MZT1: variants seen among roughly 807,000 people sequenced by gnomAD.
MZT1 encodes the protein mitotic-spindle organizing protein 1.
A neutral mutation model predicts 8.5 loss-of-function variants in MZT1; 8 were observed. That is an observed-to-expected ratio of 0.94 (90% CI 0.55 to 1.70). The LOEUF is 1.70. Among genes scored for constraint, MZT1 ranks in the 40% most tolerant of loss-of-function variants. The pLI, the probability that MZT1 is intolerant of heterozygous loss-of-function variation, is 0.00. For synonymous variants in MZT1, 38 were observed against 42.0 expected (o/e 0.90, Z 0.37); for missense variants, 93 against 108.6 (o/e 0.86, Z 0.64).
At chr13:72,714,845 T>C (rs1395407877) in intron 2 of MZT1, among the ~76,000 whole-genome samples, 5 of 152,230 alleles carry the variant, frequency 3.3e-5, no homozygotes, top group African/African-American at 7.2e-5. Context: ...AGCCTGGGTA[T>C]CTAGGCAGAA....
intron 2 of MZT1, 57 bp from the exon 3 acceptor site, chr13:72,710,402 A>C: frequency 1.3e-6 from 2 of 1,570,350 alleles, no homozygotes; most frequent in East Asian, 4.5e-5. Flanking sequence ...AGGCATCATG[A>C]AGATAAATTT....
intron 2 of MZT1, among the ~76,000 whole-genome samples, chr13:72,712,083 G>A (rs1173800677): frequency 6.6e-6 from 1 of 151,876 alleles, no homozygotes; most frequent in African/African-American, 2.4e-5. Flanking sequence ...AAAAGTATAA[G>A]GATGCATTAC....
chr13:72,720,505 G>A (rs1177350295), intron 1 of MZT1, among the ~76,000 whole-genome samples: 1 of 152,170 alleles, frequency 6.6e-6, no homozygotes, highest in African/African-American at 2.4e-5. Context: ...TTAAGTCTAA[G>A]TCTTTCTGAA....
intron 1 of MZT1, among the ~76,000 whole-genome samples, chr13:72,719,649 G>T (rs886765838): frequency 1.3e-5 from 2 of 152,014 alleles, no homozygotes; most frequent in African/African-American, 4.8e-5. Flanking sequence ...GTCAAAAAAA[G>T]GTAATGTACA....
Position 72,727,539 on chromosome 13 carries a change from G to A in MZT1, c.64C>T (p.Arg22Trp), listed in dbSNP as rs1300584030. 1 of 1,613,272 alleles carries A rather than the reference G, an allele frequency of 6.2e-7. No homozygotes were observed. Residue 22 changes from arginine (R) to tryptophan (W), a missense_variant, in exon 1 of 3, where the codon CGG becomes TGG. Arg to Trp is a moderately radical substitution (Grantham distance 101). Transcript: ENST00000377818. ...GGAAACTCACCGTCCATGGTCTCCCGCACCGCATTCAGATTCGCCGCCGCG... is the reference window on the plus strand; with the variant it reads ...GGAAACTCACCGTCCATGGTCTCCCACACCGCATTCAGATTCGCCGCCGCG... ...AAAAANLNAV[R>W]ETMDVLLEIS...
chr13:72,710,196 C>A lies in MZT1; in HGVS notation c.*126G>T, dbSNP rs1193033124. 5 of 891,544 alleles carry A rather than the reference C, an allele frequency of 5.6e-6. No individual in the cohort carries two copies. Among genetic ancestry groups the A allele is most frequent in the South Asian group, 3.3e-5 (2 of 60,786 alleles). 55.2% of individuals were successfully genotyped at this position (891,544 alleles called of 1,614,324 possible). A position where few individuals can be genotyped will look rare whatever the true frequency, so the allele number is the denominator to read the frequency against. On this transcript the variant is annotated 3_prime_UTR_variant, in exon 3 of 3. Coordinates refer to ENST00000377818, the MANE Select transcript of MZT1 (RefSeq NM_001071775.3). ...TTTATAAAGCTATGGTTTTATAATT[C>A]TTTTAAAAAGTAAAATTTTTCTACA...
chr13:72,726,272 A>C (rs1191397123), intron 1 of MZT1, among the ~76,000 whole-genome samples: 1 of 152,182 alleles, frequency 6.6e-6, no homozygotes, highest in Non-Finnish European at 1.5e-5. Flanking sequence ...TCTACTAAAA[A>C]TACAAAAAAT....
intron 1 of MZT1, among the ~76,000 whole-genome samples, chr13:72,725,835 A>C (rs371621571): frequency 6.6e-6 from 1 of 152,132 alleles, no homozygotes; most frequent in East Asian, 2.0e-4. Flanking sequence ...ATAGGCTAGA[A>C]GTGAGGTCTT....
At chr13:72,711,072 T>C (rs2032484556) in intron 2 of MZT1, among the ~76,000 whole-genome samples, 1 of 152,184 alleles carries the variant, frequency 6.6e-6, no homozygotes, top group South Asian at 2.1e-4. Context: ...TTAGTAACAG[T>C]ACAGGACATC....
chr13:72,719,363 A>G (rs997873580), intron 1 of MZT1, among the ~76,000 whole-genome samples: 1 of 152,232 alleles, frequency 6.6e-6, no homozygotes, highest in South Asian at 2.1e-4. Context: ...TCTAACATGT[A>G]TCCACCATAC....
intron 1 of MZT1, among the ~76,000 whole-genome samples, chr13:72,722,128 T>C (rs1453642317): frequency 1.3e-5 from 2 of 152,052 alleles, no homozygotes; most frequent in Non-Finnish European, 2.9e-5. Context: ...CTATTATCTC[T>C]ATTTCTTGGA....
chr13:72,726,341 G>A (rs772787500), intron 1 of MZT1, among the ~76,000 whole-genome samples: 14 of 152,188 alleles, frequency 9.2e-5, no homozygotes, highest in Non-Finnish European at 1.5e-4. Flanking sequence ...TGAGGCAGGA[G>A]AATCGCCTGA....
chr13:72,711,165 T>C (rs1173048483), intron 2 of MZT1, among the ~76,000 whole-genome samples: 1 of 152,148 alleles, frequency 6.6e-6, no homozygotes, highest in Non-Finnish European at 1.5e-5. Context: ...AAATAGAAGA[T>C]ACAGGAAAGT....
chr13:72,713,054 T>G (rs1158678079), intron 2 of MZT1, among the ~76,000 whole-genome samples: 1 of 152,226 alleles, frequency 6.6e-6, no homozygotes, highest in Non-Finnish European at 1.5e-5. Flanking sequence ...TAATAACGAC[T>G]TCATCTTTTC....
At chr13:72,715,792 CATA>C (rs2032529603) in intron 2 of MZT1, among the ~76,000 whole-genome samples, 1 of 152,234 alleles carries the variant, frequency 6.6e-6, no homozygotes, top group East Asian at 1.9e-4. Flanking sequence ...CCTTTGTTTC[CATA>C]ATGATTGTAA....
rs944680824 is a variant in MZT1, at chr13:72,710,054, T to C, written c.*268A>G. On this transcript the variant is annotated 3_prime_UTR_variant, in exon 3 of 3. Coordinates refer to ENST00000377818, the MANE Select transcript of MZT1 (RefSeq NM_001071775.3). Reference sequence around the variant, plus strand: ...AAATTAAAGCTATCAGAGCTATAAATAAGGAATACATAAATATGAACATAG... The same window carrying C: ...AAATTAAAGCTATCAGAGCTATAAACAAGGAATACATAAATATGAACATAG... The C allele has an allele frequency of 2.3e-6, 1 of 430,932 alleles. No individual in the cohort carries two copies. The highest frequency in any genetic ancestry group is 4.1e-6 in the Non-Finnish European group (1 of 241,348). 26.7% of individuals were successfully genotyped at this position (430,932 alleles called of 1,614,324 possible). A position where few individuals can be genotyped will look rare whatever the true frequency, so the allele number is the denominator to read the frequency against.
intron 1 of MZT1, among the ~76,000 whole-genome samples, chr13:72,726,769 A>C (rs2138025008): frequency 6.7e-6 from 1 of 150,074 alleles, no homozygotes; most frequent in Admixed American, 6.6e-5. Flanking sequence ...AAAACTAAAC[A>C]GGCTCAATGA....
At chr13:72,726,619 A>C (rs1324110324) in intron 1 of MZT1, among the ~76,000 whole-genome samples, 1 of 152,140 alleles carries the variant, frequency 6.6e-6, no homozygotes, top group Non-Finnish European at 1.5e-5. Flanking sequence ...GGAGACAAAG[A>C]AAGAAGACTA....
intron 2 of MZT1, among the ~76,000 whole-genome samples, chr13:72,716,518 CAT>C (rs1450116246): frequency 2.0e-5 from 3 of 152,018 alleles, no homozygotes; most frequent in African/African-American, 7.2e-5. Context: ...ATGTAAATTG[CAT>C]GTTTTAAATA....
Sources: gnomAD v4.1 joint callset for allele counts (sites outside exome capture counted in the v4.1 genomes callset) on GRCh38, gnomAD v4.1.1 for gene constraint, MANE v1.5 for transcripts, NCBI Gene and HGNC (gene_info 2026-07-23, HGNC 2026-07-21) for gene names.